The following NCKAP5 variants were observed in gnomAD, a reference collection of about 807,000 sequenced individuals.
NCKAP5 encodes the protein nck-associated protein 5.
NCKAP5 carries 92 observed loss-of-function variants against 167.0 expected under a neutral mutation model. The ratio of observed to expected loss-of-function variants is 0.55; its 90% CI spans 0.47 to 0.66. NCKAP5 has a LOEUF of 0.66. NCKAP5 is among the 30% of genes least tolerant of loss of function. NCKAP5 has a pLI of 0.00. For missense variants in NCKAP5, 2,378 were observed against 2,315.0 expected (o/e 1.03, Z -0.56); for synonymous variants, 891 against 877.4 (o/e 1.02, Z -0.27).
chr2:133,484,769 C>A (rs1680759093), intron 3 of NCKAP5, among the ~76,000 whole-genome samples: 1 of 151,894 alleles, frequency 6.6e-6, no homozygotes, highest in African/African-American at 2.4e-5. Context: ...GGTCCCATCC[C>A]AAGATATCTC....
chr2:132,913,508 C>T (rs542047205), intron 8 of NCKAP5, among the ~76,000 whole-genome samples: 5 of 152,062 alleles, frequency 3.3e-5, no homozygotes, highest in African/African-American at 9.6e-5. Flanking sequence ...ATAGAATATG[C>T]CTGCTACCTA....
At chr2:132,686,780 G>C (rs2105089147) in intron 19 of NCKAP5, among the ~76,000 whole-genome samples, 1 of 152,252 alleles carries the variant, frequency 6.6e-6, no homozygotes, top group South Asian at 2.1e-4. Context: ...TAATCACCCA[G>C]AAGACATTTA....
chr2:133,474,655 T>C (rs770267738), intron 3 of NCKAP5, among the ~76,000 whole-genome samples: 3 of 152,204 alleles, frequency 2.0e-5, no homozygotes, highest in Non-Finnish European at 2.9e-5. Context: ...TGTACACCAT[T>C]AAAATGTACA....
chr2:133,358,069 A>C (rs1684859498), intron 3 of NCKAP5, among the ~76,000 whole-genome samples: 1 of 152,180 alleles, frequency 6.6e-6, no homozygotes. Context: ...AGACTTATCA[A>C]GTCTCCTCTA....
chr2:133,226,762 G>A (rs1230714555), intron 4 of NCKAP5, among the ~76,000 whole-genome samples: 1 of 151,990 alleles, frequency 6.6e-6, no homozygotes, highest in Non-Finnish European at 1.5e-5. Flanking sequence ...CAGACTCAGA[G>A]GCAACCAACC....
At chr2:132,697,508 G>A (rs1026307266) in intron 19 of NCKAP5, among the ~76,000 whole-genome samples, 3 of 152,068 alleles carry the variant, frequency 2.0e-5, no homozygotes, top group Non-Finnish European at 2.9e-5. Context: ...GTAACTTGGG[G>A]AACATTAACA....
At chr2:132,706,925 C>T (rs138365664) in intron 19 of NCKAP5, among the ~76,000 whole-genome samples, 24 of 152,228 alleles carry the variant, frequency 1.6e-4, no homozygotes, top group Admixed American at 4.6e-4. Context: ...AGAGTGACTC[C>T]GGCCTAAAAA....
chr2:133,262,511 G>A (rs1237906038), intron 4 of NCKAP5, among the ~76,000 whole-genome samples: 1 of 152,196 alleles, frequency 6.6e-6, no homozygotes, highest in Non-Finnish European at 1.5e-5. Flanking sequence ...GTTCATGTCT[G>A]AGATGAGTAA....
Position 133,303,061 on chromosome 2 carries a change from TCAAG to T in NCKAP5, c.115_118del (p.Leu39ArgfsTer34), listed in dbSNP as rs937101294. 2 of 1,600,292 alleles carry T rather than the reference TCAAG, an allele frequency of 1.2e-6. No homozygotes were observed. Among genetic ancestry groups the T allele is most frequent in the African/African-American group, 2.7e-5 (2 of 74,774 alleles). On this transcript the variant is annotated frameshift_variant, in exon 4 of 20. Transcript: ENST00000409261. LOFTEE classifies it high-confidence loss of function. ...CCTCCAGAGACTCCTGTGTTGCTCC[TCAAG>T]CTGAGTCAGCAGATGCTCAATGTAT...
chr2:133,059,124 C>T (rs2079902386), intron 6 of NCKAP5, among the ~76,000 whole-genome samples: 1 of 150,638 alleles, frequency 6.6e-6, no homozygotes, highest in Admixed American at 6.6e-5. Context: ...ACGGTGAAAC[C>T]CTGTCTCTAC....
At chr2:133,261,443 C>A (rs549559055) in intron 4 of NCKAP5, among the ~76,000 whole-genome samples, 1 of 152,156 alleles carries the variant, frequency 6.6e-6, no homozygotes, top group Non-Finnish European at 1.5e-5. Flanking sequence ...ATCAATACTG[C>A]TGTCTTTGAA....
intron 4 of NCKAP5, among the ~76,000 whole-genome samples, chr2:133,242,285 T>C (rs1428718940): frequency 3.3e-5 from 5 of 150,148 alleles, no homozygotes; most frequent in African/African-American, 7.4e-5. Flanking sequence ...AGAGAACATA[T>C]ACAAAATCAA....
At chr2:133,384,474 T>G (rs1686777175) in intron 3 of NCKAP5, among the ~76,000 whole-genome samples, 2 of 152,236 alleles carry the variant, frequency 1.3e-5, no homozygotes, top group South Asian at 4.1e-4. Context: ...TAGTATAGTT[T>G]GAAGTCAGGT....
intron 3 of NCKAP5, among the ~76,000 whole-genome samples, chr2:133,351,103 C>G (rs572215774): frequency 1.3e-5 from 2 of 152,136 alleles, no homozygotes; most frequent in Non-Finnish European, 2.9e-5. Context: ...TAGAACATCA[C>G]ATCCCCGGAG....
At chr2:133,000,114 G>A (rs1431925553) in intron 6 of NCKAP5, among the ~76,000 whole-genome samples, 2 of 152,128 alleles carry the variant, frequency 1.3e-5, no homozygotes, top group African/African-American at 2.4e-5. Flanking sequence ...TGCAAGAAGT[G>A]CCCGCCACAT....
At chr2:133,655,384 C>T in the NCKAP5 span, among the ~76,000 whole-genome samples, 12 of 152,158 alleles carry the variant, frequency 7.9e-5, no homozygotes, top group Non-Finnish European at 1.6e-4. Context: ...TAGAATGAAA[C>T]ACTAGACTAG....
intron 2 of NCKAP5, among the ~76,000 whole-genome samples, chr2:133,518,344 ATT>A (rs751025050): frequency 0.011 from 814 of 74,654 alleles, 38 homozygotes; most frequent in Admixed American, 0.099. Flanking sequence ...ACAGTAAAGG[ATT>A]TTTTTTTTTT....
chr2:132,959,662 C>G (rs1433934738), intron 8 of NCKAP5, among the ~76,000 whole-genome samples: 1 of 152,102 alleles, frequency 6.6e-6, no homozygotes, highest in East Asian at 1.9e-4. Context: ...GAGTAGGGAA[C>G]AGGGAAGACT....
At position 132,731,942 on chromosome 2, in the gene NCKAP5, C is replaced by T. The variant is rs1465785285; in HGVS notation, c.5238G>A (p.Glu1746=). The T allele has an allele frequency of 1.9e-6, 3 of 1,613,882 alleles. No homozygotes were observed. Among genetic ancestry groups the T allele is most frequent in the East Asian group, 4.5e-5 (2 of 44,846 alleles). ...GRYLCQPDSP[E]DAEPLLPLQS... The stretch of plus-strand genomic sequence containing the variant: ...GGAGAGGCAGGAGAGGCTCAGCGTC[C>T]TCTGGGGAGTCTGGCTGGCATAGGT... Residue 1746 remains glutamate (E), a synonymous_variant, in exon 17 of 20, where the codon GAG becomes GAA. Coordinates refer to ENST00000409261, the MANE Select transcript of NCKAP5 (RefSeq NM_207363.3).
Sources: gnomAD v4.1 joint callset for allele counts (sites outside exome capture counted in the v4.1 genomes callset) on GRCh38, gnomAD v4.1.1 for gene constraint, MANE v1.5 for transcripts, NCBI Gene and HGNC (gene_info 2026-07-23, HGNC 2026-07-21) for gene names.